COL4A6: variants seen among roughly 807,000 people sequenced by gnomAD.
COL4A6 encodes the protein collagen type IV alpha 6 chain, also known as collagen alpha-6(IV) chain.
Under a neutral mutation model 126.7 loss-of-function variants are expected in COL4A6, and 59 were observed. The observed-to-expected ratio is 0.47, with a 90% CI of 0.38 to 0.58. COL4A6 has a LOEUF of 0.58. COL4A6 is among the 20% of genes least tolerant of loss of function. The probability of loss-of-function intolerance (pLI) is 0.00; values close to 1 mark genes in which losing one functional copy is unlikely to be tolerated. For missense variants in COL4A6, 1,285 were observed against 1,337.3 expected (o/e 0.96, Z 0.61); for synonymous variants, 547 against 496.6 (o/e 1.10, Z -1.35).
chrX:108,326,750 AATG>A lies in COL4A6; in HGVS notation c.64-15925_64-15923del, dbSNP rs751482143. Among the ~76,000 whole-genome samples, 29 of 112,450 alleles carry A rather than the reference AATG, an allele frequency of 2.6e-4. No homozygotes were observed. The South Asian group carries it at 9.2e-3, about 36-fold the overall frequency. ...GGACATTCAATATGCAAAATAAACA[AATG>A]ATGAACTTTGATCTATACTTCACAC... On this transcript the variant is annotated intron_variant, in intron 2 of 44. Transcript: ENST00000334504.
At chrX:108,287,220 G>A (rs1340876856) in intron 3 of COL4A6, among the ~76,000 whole-genome samples, 1 of 111,918 alleles carries the variant, frequency 8.9e-6, no homozygotes, top group Non-Finnish European at 1.9e-5. Flanking sequence ...CTGTTTAAAC[G>A]TCTTTGTCTT....
intron 2 of COL4A6, among the ~76,000 whole-genome samples, chrX:108,380,212 T>C (rs2040533344): frequency 8.9e-6 from 1 of 112,632 alleles, no homozygotes; most frequent in African/African-American, 3.2e-5. Context: ...AAGCCTATTT[T>C]TTACTTTTGT....
intron 35 of COL4A6, 141 bp from the exon 36 acceptor site, chrX:108,170,157 C>G (rs2034259077): frequency 2.0e-6 from 1 of 509,095 alleles, no homozygotes; most frequent in African/African-American, 2.4e-5. Context: ...ACTTAATGCC[C>G]TAAGGGAGAA....
At chrX:108,283,310 C>G (rs111228400) in intron 3 of COL4A6, among the ~76,000 whole-genome samples, 22 of 111,401 alleles carry the variant, frequency 2.0e-4, no homozygotes, top group Admixed American at 3.8e-4. Context: ...CCAACTCTAA[C>G]ATTTGATGGT....
At chrX:108,224,358 T>C (rs753418604) in intron 3 of COL4A6, among the ~76,000 whole-genome samples, 5 of 112,114 alleles carry the variant, frequency 4.5e-5, no homozygotes, top group Non-Finnish European at 9.4e-5. Flanking sequence ...TTTTTCCAAA[T>C]AGAAGTTTGA....
At chrX:108,201,235 GC>G (rs2035382641) in intron 13 of COL4A6, among the ~76,000 whole-genome samples, 1 of 111,420 alleles carries the variant, frequency 9.0e-6, no homozygotes, top group Admixed American at 9.5e-5. Context: ...ATCCCCACTG[GC>G]CCAGCAAGCA....
chrX:108,202,434 G>A (rs2035414049), intron 13 of COL4A6, among the ~76,000 whole-genome samples: 1 of 111,981 alleles, frequency 8.9e-6, no homozygotes, highest in African/African-American at 3.2e-5. Flanking sequence ...GGTAACTGAT[G>A]AGTGTAAGGA....
At chrX:108,430,758 TA>T (rs1432852159) in intron 2 of COL4A6, among the ~76,000 whole-genome samples, 2 of 111,673 alleles carry the variant, frequency 1.8e-5, no homozygotes, top group Non-Finnish European at 3.8e-5. Context: ...TTAACAAAAA[TA>T]AAAAAGATCA....
chrX:108,280,194 C>T (rs1482757234), intron 3 of COL4A6, among the ~76,000 whole-genome samples: 38 of 111,146 alleles, frequency 3.4e-4, no homozygotes, highest in Non-Finnish European at 6.0e-4. Flanking sequence ...AAAAAATTAA[C>T]GAATCCAAGA....
chrX:108,408,341 GAA>G (rs1243964104), intron 2 of COL4A6, among the ~76,000 whole-genome samples: 16 of 95,411 alleles, frequency 1.7e-4, no homozygotes, highest in African/African-American at 6.6e-4. Context: ...AAGAGAGAAA[GAA>G]AGAAAGAAAG....
At chrX:108,199,897 T>C (rs1457990295) in intron 13 of COL4A6, among the ~76,000 whole-genome samples, 1 of 111,574 alleles carries the variant, frequency 9.0e-6, no homozygotes, top group East Asian at 2.8e-4. Context: ...AGCCACCAAA[T>C]TGGCTAGAAT....
At chrX:108,178,617 C>A (rs2034575253) in intron 27 of COL4A6, 67 bp downstream of exon 27, 1 of 1,108,203 alleles carries the variant, frequency 9.0e-7, no homozygotes. Flanking sequence ...ATTGCCCCCC[C>A]AGGGCATCTG....
chrX:108,250,909 A>T (rs1342901779), intron 3 of COL4A6, among the ~76,000 whole-genome samples: 2 of 111,615 alleles, frequency 1.8e-5, no homozygotes, highest in East Asian at 5.7e-4. Context: ...CAGACAAGGA[A>T]TTGGCTATTG....
chrX:108,174,238 A>G (rs979404302), intron 31 of COL4A6, among the ~76,000 whole-genome samples: 1 of 111,621 alleles, frequency 9.0e-6, no homozygotes, highest in Non-Finnish European at 1.9e-5. Context: ...TTTCAGGGAG[A>G]TGTGAACAAA....
At chrX:108,208,584 C>T (rs2035613791) in intron 8 of COL4A6, among the ~76,000 whole-genome samples, 2 of 111,989 alleles carry the variant, frequency 1.8e-5, no homozygotes, top group African/African-American at 6.5e-5. Context: ...TCTAAATATT[C>T]CATGGGTCAA....
At chrX:108,332,002 C>T in intron 2 of COL4A6, among the ~76,000 whole-genome samples, 1 of 111,482 alleles carries the variant, frequency 9.0e-6, no homozygotes. Context: ...CACCCCACTT[C>T]TACACTCCAA....
At chrX:108,330,128 A>C (rs1569428032) in intron 2 of COL4A6, among the ~76,000 whole-genome samples, 1 of 111,097 alleles carries the variant, frequency 9.0e-6, no homozygotes, top group Non-Finnish European at 1.9e-5. Context: ...GTTTGTGCAG[A>C]GAGTGAAAGA....
chrX:108,386,911 T>A (rs970923155), intron 2 of COL4A6, among the ~76,000 whole-genome samples: 3 of 112,053 alleles, frequency 2.7e-5, no homozygotes, highest in African/African-American at 9.7e-5. Flanking sequence ...AAGGAAGGGA[T>A]CCAGTTTCTG....
intron 2 of COL4A6, among the ~76,000 whole-genome samples, chrX:108,365,010 C>G (rs2040166226): frequency 9.0e-6 from 1 of 111,074 alleles, no homozygotes; most frequent in Non-Finnish European, 1.9e-5. Context: ...TCAACATTCC[C>G]TAAACATAAA....
Sources: allele counts gnomAD v4.1 joint callset (sites outside exome capture counted in the v4.1 genomes callset), GRCh38; gene constraint gnomAD v4.1.1; transcripts MANE v1.5; gene names NCBI Gene and HGNC (gene_info 2026-07-23, HGNC 2026-07-21).